MAST4: variants seen among roughly 807,000 people sequenced by gnomAD.
MAST4 encodes the protein microtubule associated serine/threonine kinase family member 4, also known as microtubule-associated serine/threonine-protein kinase 4.
In MAST4, 89 loss-of-function variants were observed where a neutral mutation model predicts 162.7. The observed-to-expected ratio is 0.55, with a 90% CI of 0.46 to 0.65. The LOEUF is 0.65. Ranked by LOEUF, MAST4 falls within the 30% of genes least tolerant of loss-of-function variation. The pLI is 0.00. For synonymous variants in MAST4, 1,479 were observed against 1,361.1 expected (o/e 1.09, Z -1.91); for missense variants, 3,153 against 3,374.0 (o/e 0.93, Z 1.62).
At chr5:66,880,510 G>T (rs1761622726) in intron 3 of MAST4, among the ~76,000 whole-genome samples, 2 of 152,224 alleles carry the variant, frequency 1.3e-5, no homozygotes, top group South Asian at 4.2e-4. Flanking sequence ...TTCATTCTGA[G>T]CCAGCTGCTA....
chr5:66,664,498 T>C (rs1747123571), intron 1 of MAST4, among the ~76,000 whole-genome samples: 1 of 142,178 alleles, frequency 7.0e-6, no homozygotes, highest in African/African-American at 2.6e-5. Context: ...TTAACTTTGA[T>C]GATGGGCTTA....
At position 66,617,984 on chromosome 5, in the gene MAST4, G is replaced by C. The variant is rs557260568; in HGVS notation, c.363+20966G>C. Among the ~76,000 whole-genome samples the C allele has an allele frequency of 5.6e-4, 85 of 151,442 alleles. 1 individual carries two copies. The highest frequency in any genetic ancestry group is 2.0e-3 in the African/African-American group (83 of 41,460). ...TGCTTTGACTCCATTTGAATCCCCT[G>C]TGGAGCTTTGACATCGTCTACACTG... On this transcript the variant is annotated intron_variant, in intron 1 of 28. Coordinates refer to ENST00000403625, the MANE Select transcript of MAST4 (RefSeq NM_001164664.2).
chr5:66,748,721 C>A (rs1257263683), intron 1 of MAST4, among the ~76,000 whole-genome samples: 1 of 151,874 alleles, frequency 6.6e-6, no homozygotes, highest in Non-Finnish European at 1.5e-5. Context: ...ATCTCTTGAC[C>A]TCATGATCCA....
intron 7 of MAST4, among the ~76,000 whole-genome samples, chr5:67,096,984 G>A (rs1168236814): frequency 6.6e-6 from 1 of 152,082 alleles, no homozygotes; most frequent in African/African-American, 2.4e-5. Flanking sequence ...TCTTATGGCA[G>A]TCACTATCAG....
intron 1 of MAST4, among the ~76,000 whole-genome samples, chr5:66,737,396 C>T (rs567908554): frequency 6.6e-6 from 1 of 152,270 alleles, no homozygotes; most frequent in East Asian, 1.9e-4. Flanking sequence ...AGTTGAGCCT[C>T]AGAAATCACA....
chr5:66,604,450 T>C (rs1265522621), intron 1 of MAST4, among the ~76,000 whole-genome samples: 2 of 152,230 alleles, frequency 1.3e-5, no homozygotes, highest in African/African-American at 4.8e-5. Context: ...GGAGGGAAGA[T>C]GGAATACTGA....
Position 66,767,120 on chromosome 5 carries a change from A to G in MAST4, c.517+7258A>G, listed in dbSNP as rs546535870. ...AAGAGACATGCTAATTTCCGTTCCT[A>G]TTCTTTTAGAAAGATCTAATCACAT... On this transcript the variant is annotated intron_variant, in intron 2 of 28. Transcript: ENST00000403625. Among the ~76,000 whole-genome samples, 5 of 151,616 alleles carry G rather than the reference A, an allele frequency of 3.3e-5. No homozygotes were observed. The South Asian group carries it at 1.0e-3, about 32-fold the overall frequency.
intron 2 of MAST4, chr5:66,783,320 A>G (rs979698299): frequency 6.6e-6 from 1 of 151,858 alleles, no homozygotes; most frequent in African/African-American, 2.4e-5. Flanking sequence ...TTCATTCTAT[A>G]TTTTCTATTT....
intron 4 of MAST4, among the ~76,000 whole-genome samples, chr5:67,026,233 A>G (rs1561547071): frequency 2.0e-5 from 3 of 152,202 alleles, no homozygotes; most frequent in African/African-American, 7.2e-5. Flanking sequence ...CCCATTACCT[A>G]TATACCTACC....
chr5:66,687,108 G>A (rs1372367907), intron 1 of MAST4, among the ~76,000 whole-genome samples: 1 of 151,992 alleles, frequency 6.6e-6, no homozygotes, highest in East Asian at 1.9e-4. Flanking sequence ...GATTCAGTGG[G>A]TATGTGCAGA....
intron 1 of MAST4, among the ~76,000 whole-genome samples, chr5:66,672,205 C>A (rs1241236179): frequency 6.6e-6 from 1 of 152,182 alleles, no homozygotes; most frequent in Non-Finnish European, 1.5e-5. Flanking sequence ...CATGTTTACC[C>A]AGATCATGTG....
chr5:67,052,652 A>G (rs1315519948), intron 4 of MAST4, among the ~76,000 whole-genome samples: 1 of 151,996 alleles, frequency 6.6e-6, no homozygotes, highest in Non-Finnish European at 1.5e-5. Flanking sequence ...ATTTGCATTG[A>G]CAGACATTTC....
chr5:66,788,607 C>CCCAGCCAAAAAAAAAAAA, intron 2 of MAST4, 63 bp from the exon 3 acceptor site: 1 of 1,373,726 alleles, frequency 7.3e-7, no homozygotes, highest in Non-Finnish European at 1.0e-6. Flanking sequence ...CCCCCACCCC[C>CCCAGCCAAAAAAAAAAAA]ATTGCAATAA....
At chr5:67,019,642 T>A (rs991356796) in intron 4 of MAST4, among the ~76,000 whole-genome samples, 1 of 152,242 alleles carries the variant, frequency 6.6e-6, no homozygotes, top group Non-Finnish European at 1.5e-5. Flanking sequence ...TTTTCAGACA[T>A]AAGTTGTGCA....
intron 3 of MAST4, among the ~76,000 whole-genome samples, chr5:66,866,669 C>T (rs1760545840): frequency 6.6e-6 from 1 of 152,146 alleles, no homozygotes; most frequent in South Asian, 2.1e-4. Flanking sequence ...TATAAACTAT[C>T]TCAGAGGTGA....
At chr5:67,038,660 T>G (rs760654037) in intron 4 of MAST4, among the ~76,000 whole-genome samples, 48 of 152,222 alleles carry the variant, frequency 3.2e-4, no homozygotes, top group South Asian at 4.1e-4. Flanking sequence ...TGCTTACCAC[T>G]CATCTCCCTT....
At chr5:66,698,021 C>CT (rs34212425) in intron 1 of MAST4, among the ~76,000 whole-genome samples, 13,771 of 151,900 alleles carry the variant, frequency 0.091, 773 homozygotes, top group East Asian at 0.26. Flanking sequence ...CTCGTGTGTA[C>CT]TTCATTTCTC....
intron 1 of MAST4, among the ~76,000 whole-genome samples, chr5:66,600,708 A>G (rs1742497479): frequency 6.6e-6 from 1 of 152,248 alleles, no homozygotes; most frequent in African/African-American, 2.4e-5. Context: ...TGTGGATCAC[A>G]GTGAGAAACG....
intron 27 of MAST4, 128 bp from the exon 28 acceptor site, chr5:67,162,479 C>T (rs1311862034): frequency 2.6e-6 from 2 of 766,856 alleles, no homozygotes; most frequent in East Asian, 2.6e-5. Flanking sequence ...GTGTTCTGCT[C>T]TTTAATAGGA....
Sources: allele counts gnomAD v4.1 joint callset (sites outside exome capture counted in the v4.1 genomes callset), GRCh38; gene constraint gnomAD v4.1.1; transcripts MANE v1.5; gene names NCBI Gene and HGNC (gene_info 2026-07-23, HGNC 2026-07-21).